Variants in JMJD1C observed in about 807,000 individuals in gnomAD.
JMJD1C encodes the protein jumonji domain-containing protein 1C.
Under a neutral mutation model 245.3 loss-of-function variants are expected in JMJD1C, and 31 were observed. The ratio of observed to expected loss-of-function variants is 0.13; its 90% confidence interval spans 0.09 to 0.17. JMJD1C has a LOEUF of 0.17. JMJD1C is among the 10% of genes least tolerant of loss of function. The probability of loss-of-function intolerance (pLI) is 1.00; values close to 1 mark genes in which losing one functional copy is unlikely to be tolerated. For synonymous variants in JMJD1C, 1,057 were observed against 1,017.4 expected (o/e 1.04, Z -0.74); for missense variants, 2,691 against 3,000.2 (o/e 0.90, Z 2.41).
At chr10:63,484,578 AAAACAT>A (rs1953934615) in intron 1 of JMJD1C, among the ~76,000 whole-genome samples, 1 of 152,110 alleles carries the variant, frequency 6.6e-6, no homozygotes, top group African/African-American at 2.4e-5. Flanking sequence ...AATGGAGTTG[AAAACAT>A]AAGATCTTGA....
chr10:63,447,057 T>C (rs1951759418), intron 1 of JMJD1C, among the ~76,000 whole-genome samples: 1 of 129,650 alleles, frequency 7.7e-6, no homozygotes, highest in Non-Finnish European at 1.6e-5. Flanking sequence ...AAAATATCTG[T>C]AAGCATTTTA....
intron 1 of JMJD1C, among the ~76,000 whole-genome samples, chr10:63,501,645 G>A (rs573554296): frequency 5.3e-5 from 8 of 152,096 alleles, no homozygotes; most frequent in South Asian, 4.1e-4. Flanking sequence ...GCATGGTGGC[G>A]GGTGCCTATA....
chr10:63,435,522 A>G (rs1055183906), intron 1 of JMJD1C, among the ~76,000 whole-genome samples: 1 of 152,180 alleles, frequency 6.6e-6, no homozygotes, highest in African/African-American at 2.4e-5. Context: ...CTGAGGATTA[A>G]TATGTATTTC....
At chr10:63,233,757 G>GCACACA (rs10565803) in intron 3 of JMJD1C, among the ~76,000 whole-genome samples, 1 of 148,132 alleles carries the variant, frequency 6.8e-6, no homozygotes, top group Non-Finnish European at 1.5e-5. Context: ...ACACGCGCGT[G>GCACACA]CACACACACA....
rs1472790135 is a variant in JMJD1C at position 63,200,613 on chromosome 10, T to C, written c.5139A>G (p.Glu1713=). The change falls in exon 11 of 26, where the codon GAA becomes GAG. Residue 1713 remains glutamate (E), a synonymous_variant. Coordinates refer to ENST00000399262, the MANE Select transcript of JMJD1C (RefSeq NM_032776.3). ...AGCAGGAGTCATCCTGTAAAAAGGA[T>C]TCCCCAGTTTGCTTCAGCTTCTTGA... ...RKVKKLKQTG[E]SFLQDDSCCE... 1.2e-6 allele frequency: 2 copies of C among 1,614,038 alleles called. No homozygotes were observed. The highest frequency in any genetic ancestry group is 1.7e-6 in the Non-Finnish European group (2 of 1,179,952).
intron 13 of JMJD1C, chr10:63,194,692 C>G (rs1404303936): frequency 4.3e-6 from 1 of 230,080 alleles, no homozygotes; most frequent in Non-Finnish European, 8.7e-6. Context: ...AGCTAATCTT[C>G]TATCTCTTAG....
chr10:63,337,081 T>C (rs1358908242), intron 2 of JMJD1C, among the ~76,000 whole-genome samples: 2 of 151,984 alleles, frequency 1.3e-5, no homozygotes, highest in Non-Finnish European at 2.9e-5. Flanking sequence ...CCTCAGGTGA[T>C]CCGTCCACCT....
intron 2 of JMJD1C, among the ~76,000 whole-genome samples, chr10:63,297,193 T>C (rs1013877482): frequency 2.6e-5 from 4 of 152,228 alleles, no homozygotes; most frequent in Admixed American, 6.5e-5. Context: ...AGGGATGGCC[T>C]GAAGCCTGGA....
At chr10:63,469,833 A>T (rs901083322), upstream of JMJD1C, among the ~76,000 whole-genome samples, 1 of 152,160 alleles carries the variant, frequency 6.6e-6, no homozygotes, top group Non-Finnish European at 1.5e-5. Flanking sequence ...AATGAGGGAA[A>T]CCAAGAGTTT....
chr10:63,276,884 C>T lies in JMJD1C; in HGVS notation c.334-12120G>A, dbSNP rs1393048937. 1.5e-3 allele frequency among the ~76,000 whole-genome samples: 144 copies of T among 96,270 alleles called. 2 individuals are homozygous for T. The highest frequency in any genetic ancestry group is 9.1e-3 in the Middle Eastern group (1 of 110). The allele number at this position is 96,270 out of a possible 152,430, so 63.2% of individuals were successfully genotyped here. A position where few individuals can be genotyped will look rare whatever the true frequency, so the allele number is the denominator to read the frequency against. ...CTATGGAAGGAATAGAAGCTTGGGG[C>T]TTTTTTTTTTTTTTTTTTGAGAGAG... On this transcript the variant is annotated intron_variant, in intron 2 of 25. Transcript: ENST00000399262.
chr10:63,508,774 A>T (rs1446051490), intron 1 of JMJD1C, among the ~76,000 whole-genome samples: 3 of 152,194 alleles, frequency 2.0e-5, no homozygotes, highest in African/African-American at 7.2e-5. Context: ...TTCAAATTCC[A>T]CTTGTTCACT....
intron 1 of JMJD1C, among the ~76,000 whole-genome samples, chr10:63,431,881 G>A (rs1950773670): frequency 6.6e-6 from 1 of 152,166 alleles, no homozygotes; most frequent in African/African-American, 2.4e-5. Flanking sequence ...GCATGGTGGT[G>A]CATGCCTGTA....
At chr10:63,286,998 T>G (rs1357109923) in intron 2 of JMJD1C, among the ~76,000 whole-genome samples, 3 of 152,070 alleles carry the variant, frequency 2.0e-5, no homozygotes, top group Non-Finnish European at 4.4e-5. Flanking sequence ...AGTTAATCAT[T>G]CAACAAAAAA....
chr10:63,291,875 G>A (rs577081439), intron 2 of JMJD1C, among the ~76,000 whole-genome samples: 99 of 152,074 alleles, frequency 6.5e-4, no homozygotes, highest in Non-Finnish European at 1.2e-3. Flanking sequence ...TTCTTTGGGT[G>A]GGGGAGGTTG....
At chr10:63,373,017 T>C (rs780933364) in intron 2 of JMJD1C, 1 of 245,252 alleles carries the variant, frequency 4.1e-6, no homozygotes, top group South Asian at 4.8e-5. Flanking sequence ...CTAAAGGAGA[T>C]GGAGCCAGGG....
chr10:63,382,535 A>G (rs1181870988), intron 1 of JMJD1C, among the ~76,000 whole-genome samples: 2 of 152,214 alleles, frequency 1.3e-5, no homozygotes, highest in East Asian at 3.8e-4. Context: ...TAGGAACAGG[A>G]TGAAAATATC....
intron 2 of JMJD1C, among the ~76,000 whole-genome samples, chr10:63,291,032 C>T (rs926093917): frequency 6.6e-6 from 1 of 152,044 alleles, no homozygotes; most frequent in African/African-American, 2.4e-5. Context: ...TTGGGCTGGG[C>T]GCAGTGGCTC....
At chr10:63,170,012 T>TTCA (rs1280715237) in intron 24 of JMJD1C, among the ~76,000 whole-genome samples, 1 of 152,224 alleles carries the variant, frequency 6.6e-6, no homozygotes, top group East Asian at 1.9e-4. Flanking sequence ...CCTTATGTCT[T>TTCA]TCATTTATCT....
intron 2 of JMJD1C, among the ~76,000 whole-genome samples, chr10:63,376,503 A>C (rs1946754528): frequency 6.6e-6 from 1 of 152,196 alleles, no homozygotes; most frequent in Admixed American, 6.5e-5. Context: ...AAATGAAAGA[A>C]AATGTTACCA....
Sources: allele counts gnomAD v4.1 joint callset (sites outside exome capture counted in the v4.1 genomes callset), GRCh38; gene constraint gnomAD v4.1.1; transcripts MANE v1.5; gene names NCBI Gene and HGNC (gene_info 2026-07-23, HGNC 2026-07-21).